AFM: variants seen among roughly 807,000 people sequenced by gnomAD.
AFM encodes the protein alpha-Alb.
Under a neutral mutation model 68.7 loss-of-function variants are expected in AFM, and 82 were observed. That is an observed-to-expected ratio of 1.19 (90% CI 1.00 to 1.43). AFM has a LOEUF of 1.43. AFM is among the 40% of genes most tolerant of loss of function. The probability of loss-of-function intolerance (pLI) is 0.00; values close to 1 mark genes in which losing one functional copy is unlikely to be tolerated. For synonymous variants in AFM, 250 were observed against 234.2 expected, an observed-to-expected ratio of 1.07 and a Z score of -0.61; for missense variants, 772 against 701.8, an observed-to-expected ratio of 1.10 and a Z score of -1.13.
chr4:73,495,318 A>G lies in AFM; in HGVS notation c.1077A>G (p.Ser359=), dbSNP rs1169734502. 2 of 1,593,280 alleles carry G rather than the reference A, an allele frequency of 1.3e-6. No homozygotes were observed. Among genetic ancestry groups the G allele is most frequent in the Non-Finnish European group, 1.7e-6 (2 of 1,174,834 alleles). ...ATTGCAGGTTTACTTTTGAATACTC[A>G]AGGAGACATCCAGACCTGTCTATAC... The part of the protein sequence containing the change: ...TFFAKFTFEY[S]RRHPDLSIPE... The change falls in exon 9 of 15, where the codon TCA becomes TCG. Residue 359 remains serine, a synonymous_variant. Coordinates refer to ENST00000226355, the MANE Select transcript of AFM (RefSeq NM_001133.2).
chr4:73,494,059 AGG>A (rs1491585584), intron 8 of AFM, among the ~76,000 whole-genome samples: 5 of 41,342 alleles, frequency 1.2e-4, no homozygotes, highest in Admixed American at 4.1e-4. Flanking sequence ...ACATGTTTTT[AGG>A]TGTGTGTGTG....
chr4:73,496,809 T>C (rs1375107397), intron 9 of AFM, among the ~76,000 whole-genome samples: 1 of 152,226 alleles, frequency 6.6e-6, no homozygotes, highest in Admixed American at 6.5e-5. Context: ...TCTGAATACA[T>C]ATTAGAGAAA....
chr4:73,484,630 G>T (rs557071886), intron 3 of AFM, among the ~76,000 whole-genome samples: 16 of 151,482 alleles, frequency 1.1e-4, no homozygotes, highest in African/African-American at 3.9e-4. Context: ...CACTTCCTGG[G>T]TTCAGGCAAT....
chr4:73,484,499 T>TTTCTTTCTTTCA (rs1720828756), intron 3 of AFM, 109 bp downstream of exon 3: 2 of 658,518 alleles, frequency 3.0e-6, no homozygotes, highest in African/African-American at 2.4e-5. Context: ...TCTTTCTTTC[T>TTTCTTTCTTTCA]TTCTTTCATT....
intron 8 of AFM, 125 bp from the exon 9 acceptor site, chr4:73,495,175 G>T: frequency 1.2e-6 from 1 of 868,316 alleles, no homozygotes. Context: ...CTGTGACCAA[G>T]ACAGAGGAGA....
In AFM at chr4:73,492,042, TG is replaced by T; in HGVS notation, c.1015del (p.Val339CysfsTer33). ...AAGGAAAATTTACTGACAGTGAAAA[TG>T]TGTGTCAAGAACGAGATGCTGACCC... is the stretch of plus-strand genomic sequence containing the variant. Reference protein sequence around the residue: ...REGKFTDSENVCQERDADPDT... With the variant: ...REGKFTDSENXCQERDADPDT... On this transcript the variant is annotated frameshift_variant, in exon 8 of 15. Coordinates refer to ENST00000226355, the MANE Select transcript of AFM (RefSeq NM_001133.2). LOFTEE classifies it high-confidence loss of function. 1 of 1,613,104 alleles carries T rather than the reference TG, an allele frequency of 6.2e-7. No individual in the cohort carries two copies. The highest frequency in any genetic ancestry group is 8.5e-7 in the Non-Finnish European group (1 of 1,179,776).
chr4:73,497,698 A>G lies in AFM; in HGVS notation c.1238A>G (p.Gln413Arg), dbSNP rs756922843. ...ETTEKSLKMV[Q>R]QECKHFQNLG... is the part of the protein sequence containing the mutation. ...ACTGAGAAAAGCCTCAAGATGGTAC[A>G]ACAAGAATGTAAACATTTCCAGAAT... The change falls in exon 10 of 15, where the codon CAA (glutamine) becomes CGA (arginine). Residue 413 changes from glutamine to arginine, a missense_variant. By Grantham distance (43) the Gln-to-Arg change is conservative. Transcript: ENST00000226355. The G allele has an allele frequency of 1.1e-5, 18 of 1,610,948 alleles. 1 individual carries two copies. The South Asian group carries it at 2.0e-4, about 18-fold the overall frequency.
In AFM at chr4:73,492,075, C is replaced by G. The variant is rs773890916; in HGVS notation, c.1047C>G (p.Thr349=). The change falls in exon 8 of 15, where the codon ACC becomes ACG. Residue 349 remains threonine (T), a synonymous_variant. Transcript: ENST00000226355. The part of the protein sequence containing the change: ...VCQERDADPD[T]FFAKFTFEYS... Reference sequence around the variant, plus strand: ...AAGAACGAGATGCTGACCCAGACACCTTCTTTGCGAAGTAATATAACTCTT... The same window carrying G: ...AAGAACGAGATGCTGACCCAGACACGTTCTTTGCGAAGTAATATAACTCTT... 2 of 1,606,784 alleles carry G rather than the reference C, an allele frequency of 1.2e-6. No homozygotes were observed. Among genetic ancestry groups the G allele is most frequent in the Non-Finnish European group, 1.7e-6 (2 of 1,178,064 alleles).
intron 7 of AFM, among the ~76,000 whole-genome samples, 173 bp downstream of exon 7, chr4:73,488,932 A>AT (rs1204264121): frequency 2.0e-5 from 3 of 152,134 alleles, no homozygotes; most frequent in African/African-American, 7.2e-5. Flanking sequence ...AAACCTTGGG[A>AT]TTTTTTATAC....
intron 6 of AFM, 90 bp from the exon 7 acceptor site, chr4:73,488,540 T>A (rs1720975326): frequency 8.7e-7 from 1 of 1,152,470 alleles, no homozygotes; most frequent in African/African-American, 1.6e-5. Flanking sequence ...CAATACTTTT[T>A]GTAGCTATTC....
At position 73,483,990 on chromosome 4, in the gene AFM, G is replaced by A; in HGVS notation, c.137+1G>A. The A allele has an allele frequency of 6.6e-7, 1 of 1,522,896 alleles. No homozygotes were observed. The highest frequency in any genetic ancestry group is 9.0e-7 in the Non-Finnish European group (1 of 1,113,346). 94.3% of individuals were successfully genotyped at this position (1,522,896 alleles called of 1,614,324 possible). ...TTATAGAAGATAATATTGAATACAT[G>A]TGAGTTGTGCTAAATACTTTTTGAT... On this transcript the variant is annotated splice_donor_variant, in intron 2 of 14. Coordinates refer to ENST00000226355, the MANE Select transcript of AFM (RefSeq NM_001133.2). LOFTEE classifies it high-confidence loss of function.
At chr4:73,485,655 GGGA>G (rs557963699) in intron 3 of AFM, among the ~76,000 whole-genome samples, 2,010 of 143,528 alleles carry the variant, frequency 0.014, 17 homozygotes, top group African/African-American at 0.026. Flanking sequence ...GAAGAAGAAG[GGGA>G]GGAGGAGGAG....
intron 1 of AFM, among the ~76,000 whole-genome samples, chr4:73,482,342 G>T (rs777826049): frequency 4.6e-5 from 7 of 152,232 alleles, no homozygotes; most frequent in Non-Finnish European, 8.8e-5. Flanking sequence ...ATCTCAGTCT[G>T]TAGGAAGGGA....
intron 8 of AFM, among the ~76,000 whole-genome samples, chr4:73,492,975 C>A (rs918023608): frequency 2.6e-5 from 4 of 151,196 alleles, no homozygotes; most frequent in Non-Finnish European, 5.9e-5. Context: ...AAAAAATGTT[C>A]TTTTATTTCT....
At chr4:73,502,039 A>C (rs990141485) in intron 13 of AFM, 120 bp downstream of exon 13, 5 of 1,055,444 alleles carry the variant, frequency 4.7e-6, no homozygotes, top group Non-Finnish European at 6.7e-6. Context: ...ATTTGAGAGC[A>C]CAATTGCTAC....
intron 8 of AFM, 36 bp downstream of exon 8, chr4:73,492,122 A>G: frequency 7.1e-6 from 11 of 1,556,968 alleles, no homozygotes; most frequent in Non-Finnish European, 7.8e-6. Flanking sequence ...TAAGGGAAAC[A>G]GAAAGAAACT....
chr4:73,482,810 T>A (rs1032825664), intron 1 of AFM, among the ~76,000 whole-genome samples: 2 of 152,180 alleles, frequency 1.3e-5, no homozygotes, highest in Non-Finnish European at 2.9e-5. Flanking sequence ...TTCTACCTTT[T>A]TCTATTTGTC....
chr4:73,495,390 T>C lies in AFM; in HGVS notation c.1149T>C (p.Asn383=), dbSNP rs757397432. Residue 383 remains asparagine, a synonymous_variant, in exon 9 of 15, where the codon AAT becomes AAC. Transcript: ENST00000226355. ...IVQIYKDLLR[N]CCNTENPPGC... is the part of the protein sequence containing the mutation. ...AAATATACAAAGATCTCCTGAGAAATTGCTGCAACACAGAAAACCCTCCAG... is the reference window on the plus strand; with the variant it reads ...AAATATACAAAGATCTCCTGAGAAACTGCTGCAACACAGAAAACCCTCCAG... 49 of 1,613,282 alleles carry C rather than the reference T, an allele frequency of 3.0e-5. No individual in the cohort carries two copies. The highest frequency in any genetic ancestry group is 4.2e-5 in the Non-Finnish European group (49 of 1,179,728).
rs765892150 is a variant in AFM, at chr4:73,488,709, A to G, written c.793A>G (p.Asn265Asp). 1 of 1,613,466 alleles carries G rather than the reference A, an allele frequency of 6.2e-7. No homozygotes were observed. The highest frequency in any genetic ancestry group is 8.5e-7 in the Non-Finnish European group (1 of 1,179,636). The change falls in exon 7 of 15, where the codon AAC becomes GAC. Residue 265 changes from asparagine (N) to aspartate (D), a missense_variant. Asn to Asp is a conservative substitution (Grantham distance 23, BLOSUM62 1). Transcript: ENST00000226355. ...TTCTCTTGTAGAAGATGTTTCTTCCAACTATGATGGATGCTGTGAAGGGGA... is the reference window on the plus strand; with the variant it reads ...TTCTCTTGTAGAAGATGTTTCTTCCGACTATGATGGATGCTGTGAAGGGGA... ...LISLVEDVSSNYDGCCEGDVV... is the reference protein window; with the variant it reads ...LISLVEDVSSDYDGCCEGDVV...
Sources: allele counts gnomAD v4.1 joint callset (sites outside exome capture counted in the v4.1 genomes callset), GRCh38; gene constraint gnomAD v4.1.1; transcripts MANE v1.5; gene names NCBI Gene and HGNC (gene_info 2026-07-23, HGNC 2026-07-21).